USH2A: variants seen among roughly 807,000 people sequenced by gnomAD.
The protein encoded by USH2A is usherin.
Under a neutral mutation model 538.9 loss-of-function variants are expected in USH2A, and 443 were observed. That is an observed-to-expected ratio of 0.82 (90% confidence interval 0.76 to 0.89). The LOEUF is 0.89. Among genes scored for constraint, USH2A ranks in the 40% least tolerant of loss-of-function variants. The probability of loss-of-function intolerance (pLI) is 0.00; values close to 1 mark genes in which losing one functional copy is unlikely to be tolerated. For missense variants in USH2A, 6,633 were observed against 6,324.8 expected, an observed-to-expected ratio of 1.05 and a Z score of -1.65; for synonymous variants, 2,413 against 2,273.5, an observed-to-expected ratio of 1.06 and a Z score of -1.75.
At chr1:216,058,387 T>C (rs1047354580) in intron 30 of USH2A, among the ~76,000 whole-genome samples, 4 of 149,326 alleles carry the variant, frequency 2.7e-5, no homozygotes, top group African/African-American at 7.6e-5. Flanking sequence ...GGCTATATTT[T>C]AGTGTTATAA....
rs114980129 is a variant in USH2A at position 215,901,355 on chromosome 1, C to T, written c.7301-450G>A. ...ACACCACTACATGTGAACACAATGG[C>T]TTTCTTTTCCTTTCTTTTTTTTTTT... On this transcript the variant is annotated intron_variant, in intron 38 of 71. Coordinates refer to ENST00000307340, the MANE Select transcript of USH2A (RefSeq NM_206933.4). 711 of 184,316 alleles carry T rather than the reference C, an allele frequency of 3.9e-3. 6 individuals are homozygous for T. The highest frequency in any genetic ancestry group is 0.016 in the African/African-American group (687 of 41,992). The allele number at this position is 184,316 out of a possible 1,614,324, so 11.4% of individuals were successfully genotyped here. A position where few individuals can be genotyped will look rare whatever the true frequency, so the allele number is the denominator to read the frequency against.
At chr1:216,119,799 T>C (rs571931621) in intron 21 of USH2A, among the ~76,000 whole-genome samples, 1 of 152,222 alleles carries the variant, frequency 6.6e-6, no homozygotes, top group African/African-American at 2.4e-5. Context: ...GTGCCATCTG[T>C]TGGTAGCAGG....
chr1:215,879,733 G>GT (rs1165896514), intron 41 of USH2A, among the ~76,000 whole-genome samples: 1 of 152,170 alleles, frequency 6.6e-6, no homozygotes, highest in African/African-American at 2.4e-5. Context: ...CTAACATGTG[G>GT]ACTTGAGCAT....
chr1:216,093,097 G>A (rs557482141), intron 22 of USH2A, among the ~76,000 whole-genome samples: 38 of 151,942 alleles, frequency 2.5e-4, no homozygotes, highest in African/African-American at 7.7e-4. Flanking sequence ...CCCGAGTAGC[G>A]GGGATTACAG....
intron 37 of USH2A, among the ~76,000 whole-genome samples, chr1:215,952,010 G>GC (rs1157121323): frequency 6.6e-6 from 1 of 150,938 alleles, no homozygotes; most frequent in Admixed American, 6.6e-5. Flanking sequence ...GACTACAGGC[G>GC]CCCGCCACCG....
intron 11 of USH2A, among the ~76,000 whole-genome samples, chr1:216,288,176 A>G (rs1571663855): frequency 6.6e-6 from 1 of 152,254 alleles, no homozygotes; most frequent in Middle Eastern, 3.4e-3. Context: ...GTGGATGTGT[A>G]AAAATGAAAT....
At chr1:215,854,231 T>C (rs1235917580) in intron 44 of USH2A, among the ~76,000 whole-genome samples, 1 of 152,130 alleles carries the variant, frequency 6.6e-6, no homozygotes, top group Admixed American at 6.5e-5. Flanking sequence ...AACTCCCCTT[T>C]ATAAAACCAT....
At chr1:216,236,584 T>C (rs2035821885) in intron 13 of USH2A, among the ~76,000 whole-genome samples, 1 of 152,138 alleles carries the variant, frequency 6.6e-6, no homozygotes, top group Admixed American at 6.6e-5. Context: ...ATATCTTCTA[T>C]CCTCTAAAAT....
chr1:216,215,445 A>G (rs1212543119), intron 15 of USH2A, among the ~76,000 whole-genome samples: 1 of 152,064 alleles, frequency 6.6e-6, no homozygotes, highest in Non-Finnish European at 1.5e-5. Context: ...CACAAGTACC[A>G]TGTGAAAATC....
intron 50 of USH2A, among the ~76,000 whole-genome samples, chr1:215,795,552 A>T (rs1386212584): frequency 1.3e-5 from 2 of 152,226 alleles, no homozygotes; most frequent in African/African-American, 4.8e-5. Context: ...CAGTTGACTA[A>T]TTCTTTTAAA....
At chr1:216,351,768 T>C (rs775761003) in intron 4 of USH2A, among the ~76,000 whole-genome samples, 5 of 152,086 alleles carry the variant, frequency 3.3e-5, no homozygotes, top group Non-Finnish European at 5.9e-5. Context: ...GGGATGATTC[T>C]AGTGGAAGTG....
intron 30 of USH2A, among the ~76,000 whole-genome samples, chr1:216,048,969 A>G (rs2030642174): frequency 6.6e-6 from 1 of 152,208 alleles, no homozygotes; most frequent in Middle Eastern, 3.2e-3. Context: ...TCCAATAGCT[A>G]AGATATATAT....
chr1:215,762,606 A>G (rs1661010369), intron 56 of USH2A, among the ~76,000 whole-genome samples: 1 of 152,172 alleles, frequency 6.6e-6, no homozygotes, highest in Non-Finnish European at 1.5e-5. Context: ...TGATATGGGG[A>G]CATCGTTATC....
chr1:215,871,996 A>G (rs1354239440), intron 43 of USH2A, among the ~76,000 whole-genome samples: 6 of 152,216 alleles, frequency 3.9e-5, no homozygotes, highest in Non-Finnish European at 8.8e-5. Flanking sequence ...AAAATGTGTC[A>G]ACTTTATTGA....
chr1:215,906,146 T>C (rs1665634971), intron 38 of USH2A, among the ~76,000 whole-genome samples: 4 of 152,066 alleles, frequency 2.6e-5, no homozygotes, highest in Admixed American at 2.6e-4. Flanking sequence ...AATATGCAGA[T>C]GTGCTAACAA....
intron 16 of USH2A, among the ~76,000 whole-genome samples, chr1:216,202,906 A>G (rs1383582498): frequency 6.6e-6 from 1 of 152,066 alleles, no homozygotes; most frequent in Non-Finnish European, 1.5e-5. Context: ...TGCTTCCTTA[A>G]CACCCCAAGT....
intron 32 of USH2A, among the ~76,000 whole-genome samples, chr1:216,009,373 C>T (rs183988923): frequency 1.3e-5 from 2 of 152,292 alleles, no homozygotes; most frequent in Admixed American, 1.3e-4. Flanking sequence ...TTCTGCAATA[C>T]CGCTTGACCA....
At chr1:215,779,740 G>A (rs760013100) in intron 55 of USH2A, 103 bp downstream of exon 55, 84 of 1,391,508 alleles carry the variant, frequency 6.0e-5, no homozygotes, top group Non-Finnish European at 7.6e-5. Context: ...ACGTCCTTTC[G>A]AAGTGACCTC....
chr1:215,779,559 C>T (rs1444741768), intron 55 of USH2A, among the ~76,000 whole-genome samples: 1 of 152,044 alleles, frequency 6.6e-6, no homozygotes, highest in Non-Finnish European at 1.5e-5. Context: ...ATGCATCTTA[C>T]TGTTTGTTTG....
Sources: allele counts gnomAD v4.1 joint callset (sites outside exome capture counted in the v4.1 genomes callset), GRCh38; gene constraint gnomAD v4.1.1; transcripts MANE v1.5; gene names NCBI Gene and HGNC (gene_info 2026-07-23, HGNC 2026-07-21).